The following ARHGEF15 variants were observed in gnomAD, a reference collection of about 807,000 sequenced individuals.
ARHGEF15 encodes Rho guanine nucleotide exchange factor (GEF) 15.
Under a neutral mutation model 79.7 loss-of-function variants are expected in ARHGEF15, and 58 were observed. That is an observed-to-expected ratio of 0.73 (90% CI 0.59 to 0.91). The LOEUF (loss-of-function observed/expected upper bound fraction) is 0.91. Among genes scored for constraint, ARHGEF15 ranks in the 40% least tolerant of loss-of-function variants. ARHGEF15 has a pLI of 0.00. For synonymous variants in ARHGEF15, 442 were observed against 456.0 expected (o/e 0.97, Z 0.39); for missense variants, 1,012 against 1,108.1 (o/e 0.91, Z 1.23).
At position 8,315,936 on chromosome 17, in the gene ARHGEF15, T is replaced by C. The variant is rs1904997032; in HGVS notation, c.1574+29T>C. 1 of 1,604,818 alleles carries C rather than the reference T, an allele frequency of 6.2e-7. No homozygotes were observed. The highest frequency in any genetic ancestry group is 8.5e-7 in the Non-Finnish European group (1 of 1,179,420). ...AGTGTCCCAGGGGTGGGGAGGAAGCTGGGGAGAGGGATGGGACCGAGGCCA... is the reference window on the plus strand; with the variant it reads ...AGTGTCCCAGGGGTGGGGAGGAAGCCGGGGAGAGGGATGGGACCGAGGCCA... On this transcript the variant is annotated intron_variant, in intron 8 of 15. Transcript: ENST00000361926. This position sits in a 1 kb window ranked among gnomAD's most constrained non-coding sequence, Gnocchi z 4.3.
chr17:8,314,970 G>A lies in ARHGEF15; in HGVS notation c.1048+6G>A, dbSNP rs369238598. 3 of 1,614,074 alleles carry A rather than the reference G, an allele frequency of 1.9e-6. No homozygotes were observed. The highest frequency in any genetic ancestry group is 1.1e-5 in the South Asian group (1 of 91,066). Reference sequence around the variant, plus strand: ...GGAGCTGCCCCTGCAGGATGGTGAGGGCCTCTGGACCTGAGGGTCCCTGCT... The same window carrying A: ...GGAGCTGCCCCTGCAGGATGGTGAGAGCCTCTGGACCTGAGGGTCCCTGCT... On this transcript the variant is annotated splice_donor_region_variant and intron_variant, in intron 5 of 15. Coordinates refer to ENST00000361926, the MANE Select transcript of ARHGEF15 (RefSeq NM_173728.4).
At chr17:8,319,674 C>A in intron 15 of ARHGEF15, 71 bp downstream of exon 15, 1 of 1,312,946 alleles carries the variant, frequency 7.6e-7, no homozygotes, top group Non-Finnish European at 1.0e-6. Context: ...CTCATTCTGT[C>A]AGCCAGGCTA....
Position 8,315,119 on chromosome 17 carries a change from G to T in ARHGEF15, c.1102G>T (p.Val368Leu), listed in dbSNP as rs1349178299. 5.6e-6 allele frequency: 9 copies of T among 1,614,040 alleles called. No individual in the cohort carries two copies. In the South Asian group the frequency reaches 8.8e-5, roughly 16 times the overall value. ...CGTGCTGTCAGAGGAGCTGTGGGGG[G>T]TGGGTGAGGATGGGAGTCCTTCTCC... ...AAVLSEELWGVGEDGSPSPAN... is the reference protein window; with the variant it reads ...AAVLSEELWGLGEDGSPSPAN... The change falls in exon 6 of 16, where the codon GTG (valine) becomes TTG (leucine). Residue 368 changes from valine to leucine, a missense_variant. By Grantham distance (32) the Val-to-Leu change is conservative. Around this residue, in one of 3 missense-constraint regions of ARHGEF15, gnomAD observed 818 missense variants for 882.5 expected, o/e 0.93. Coordinates refer to ENST00000361926, the MANE Select transcript of ARHGEF15 (RefSeq NM_173728.4). This position sits in a 1 kb window ranked among gnomAD's most constrained non-coding sequence, Gnocchi z 4.3.
intron 15 of ARHGEF15, among the ~76,000 whole-genome samples, chr17:8,320,357 G>C (rs1905303577): frequency 6.6e-6 from 1 of 152,118 alleles, no homozygotes; most frequent in African/African-American, 2.4e-5. Context: ...GGGAGGCCGA[G>C]GTGGACCTCA....
intron 1 of ARHGEF15, among the ~76,000 whole-genome samples, chr17:8,311,643 G>A (rs72835274): frequency 0.028 from 4,299 of 150,896 alleles, 86 homozygotes; most frequent in Middle Eastern, 0.044. Flanking sequence ...CCCTGGCACC[G>A]CTATCTCAGA....
Position 8,321,258 on chromosome 17 carries a change from C to T in ARHGEF15, c.*265C>T. On this transcript the variant is annotated 3_prime_UTR_variant, in exon 16 of 16. Coordinates refer to ENST00000361926, the MANE Select transcript of ARHGEF15 (RefSeq NM_173728.4). ...GCCAATGGGTACTGAGCTGGCTGAGCCTATGGCCAATGAGTATTCCTGCTA... is the reference window on the plus strand; with the variant it reads ...GCCAATGGGTACTGAGCTGGCTGAGTCTATGGCCAATGAGTATTCCTGCTA... 1 of 421,374 alleles carries T rather than the reference C, an allele frequency of 2.4e-6. No individual in the cohort carries two copies. The highest frequency in any genetic ancestry group is 3.9e-5 in the East Asian group (1 of 25,488). 26.1% of individuals were successfully genotyped at this position (421,374 alleles called of 1,614,324 possible).
intron 9 of ARHGEF15, among the ~76,000 whole-genome samples, chr17:8,316,707 C>T (rs964565838): frequency 6.6e-6 from 1 of 152,152 alleles, no homozygotes; most frequent in African/African-American, 2.4e-5. Context: ...GGAAAATTAT[C>T]TTAAAAAGGC....
intron 1 of ARHGEF15, among the ~76,000 whole-genome samples, chr17:8,311,644 C>CTA (rs931666625): frequency 6.6e-5 from 10 of 151,780 alleles, no homozygotes; most frequent in African/African-American, 2.4e-4. Context: ...CCTGGCACCG[C>CTA]TATCTCAGAC....
Position 8,310,288 on chromosome 17 carries a change from C to T in ARHGEF15, c.-105C>T, listed in dbSNP as rs545195383. Reference sequence around the variant, plus strand: ...GGAAACCTCAGCCCTGCATTCCTCGCTCCAAGGGGCAGACAGGACAGGCTG... The same window carrying T: ...GGAAACCTCAGCCCTGCATTCCTCGTTCCAAGGGGCAGACAGGACAGGCTG... On this transcript the variant is annotated 5_prime_UTR_variant, in exon 1 of 16. Coordinates refer to ENST00000361926, the MANE Select transcript of ARHGEF15 (RefSeq NM_173728.4). 6.6e-6 allele frequency: 1 copy of T among 152,334 alleles called. No individual in the cohort carries two copies. The highest frequency in any genetic ancestry group is 2.1e-4 in the South Asian group (1 of 4,818). 9.4% of individuals were successfully genotyped at this position (152,334 alleles called of 1,614,324 possible). A position where few individuals can be genotyped will look rare whatever the true frequency, so the allele number is the denominator to read the frequency against.
At chr17:8,313,834 A>C (rs889603724) in intron 4 of ARHGEF15, 4 of 350,212 alleles carry the variant, frequency 1.1e-5, no homozygotes, top group African/African-American at 8.4e-5. Context: ...GTTCAAGATC[A>C]GCCTGGCTAA....
chr17:8,316,270 A>C (rs930810246), intron 9 of ARHGEF15, 122 bp downstream of exon 9: 34 of 1,367,644 alleles, frequency 2.5e-5, no homozygotes, highest in Middle Eastern at 2.6e-4. Context: ...AATCCCCCAA[A>C]TCATAACTCC....
In ARHGEF15 at chr17:8,318,842, G is replaced by A. The variant is rs781290250; in HGVS notation, c.1965G>A (p.Ser655=). The A allele has an allele frequency of 6.2e-6, 10 of 1,613,286 alleles. No individual in the cohort carries two copies. The highest frequency in any genetic ancestry group is 2.2e-5 in the South Asian group (2 of 91,080). Residue 655 remains serine (S), a synonymous_variant, in exon 12 of 16, where the codon TCG becomes TCA. Transcript: ENST00000361926. This position sits in a 1 kb window ranked among gnomAD's most constrained non-coding sequence, Gnocchi z 5.0. The stretch of plus-strand genomic sequence containing the variant: ...GGAGGGGGGGCGTGCTCTTTGCCTC[G>A]CGCCCCCGCTTCACCCCTCTTTGCC... ...GCRRGGVLFA[S]RPRFTPLCLL... is the part of the protein sequence containing the mutation.
rs1567676682 is a variant in ARHGEF15 at position 8,315,473 on chromosome 17, CG to C, written c.1321del (p.Asp441ThrfsTer5). 5 of 1,613,678 alleles carry C rather than the reference CG, an allele frequency of 3.1e-6. No individual in the cohort carries two copies. The highest frequency in any genetic ancestry group is 4.2e-6 in the Non-Finnish European group (5 of 1,180,028). Reference protein sequence around the residue: ...SYLRSLRLLTDTFVLSQALRD... With the variant: ...SYLRSLRLLTXTFVLSQALRD... Reference sequence around the variant, plus strand: ...ACCTGCGCTCCCTGCGGCTGCTGACCGACACCTTCGTGCTGAGCCAGGCACT... The same window carrying C: ...ACCTGCGCTCCCTGCGGCTGCTGACCACACCTTCGTGCTGAGCCAGGCACT... On this transcript the variant is annotated frameshift_variant, in exon 7 of 16. Coordinates refer to ENST00000361926, the MANE Select transcript of ARHGEF15 (RefSeq NM_173728.4). LOFTEE classifies it high-confidence loss of function. This position sits in a 1 kb window ranked among gnomAD's most constrained non-coding sequence, Gnocchi z 4.3.
rs3744651 is a variant in ARHGEF15, at chr17:8,312,216, C to A, written c.177C>A (p.Thr59=). 6.3e-7 allele frequency: 1 copy of A among 1,576,522 alleles called. No homozygotes were observed. Among genetic ancestry groups the A allele is most frequent in the African/African-American group, 1.4e-5 (1 of 72,320 alleles). ...ATGATGCACCAACCCCAATGTGCAC[C>A]CCCATCTTCTGGGAGCCCCCAGCTG... ...NSNDAPTPMC[T]PIFWEPPAAS... is the part of the protein sequence containing the mutation. Residue 59 remains threonine (T), a synonymous_variant, in exon 2 of 16, where the codon ACC becomes ACA. Coordinates refer to ENST00000361926, the MANE Select transcript of ARHGEF15 (RefSeq NM_173728.4).
Position 8,312,014 on chromosome 17 carries a change from C to T in ARHGEF15, c.-26C>T, listed in dbSNP as rs1904650915. 2 of 1,548,380 alleles carry T rather than the reference C, an allele frequency of 1.3e-6. No homozygotes were observed. The highest frequency in any genetic ancestry group is 1.7e-6 in the Non-Finnish European group (2 of 1,150,136). On this transcript the variant is annotated 5_prime_UTR_variant, in exon 2 of 16. Transcript: ENST00000361926. ...AGGGGATGACTCCAGCAGAGCACCT[C>T]ACTCCTTTGAAGAGCACAGAGGAAG...
At position 8,315,153 on chromosome 17, in the gene ARHGEF15, C is replaced by A; in HGVS notation, c.1136C>A (p.Ala379Asp). Residue 379 changes from alanine (A) to aspartate (D), a missense_variant, in exon 6 of 16, where the codon GCT becomes GAT. By Grantham distance (126) the Ala-to-Asp change is moderately radical. Transcript: ENST00000361926. This position sits in a 1 kb window ranked among gnomAD's most constrained non-coding sequence, Gnocchi z 4.3. ...GEDGSPSPAN[A>D]GDAPTFPRPP... ...GATGGGAGTCCTTCTCCAGCAAATG[C>A]TGGAGATGCACCCACCTTCCCACGA... 1.2e-6 allele frequency: 2 copies of A among 1,614,040 alleles called. No homozygotes were observed. The highest frequency in any genetic ancestry group is 2.2e-5 in the South Asian group (2 of 91,078).
rs768707221 is a variant in ARHGEF15, at chr17:8,318,403, C to A, written c.1721C>A (p.Thr574Lys). Residue 574 changes from threonine to lysine, a missense_variant, in exon 10 of 16, where the codon ACA becomes AAA. Coordinates refer to ENST00000361926, the MANE Select transcript of ARHGEF15 (RefSeq NM_173728.4). This position sits in a 1 kb window ranked among gnomAD's most constrained non-coding sequence, Gnocchi z 5.0. ...RMLLQNILRQ[T>K]EEGSSRQENA... ...TGTCCCCAGAATATCCTGCGCCAGACAGAAGAGGGGTCCAGCCGTCAGGAG... is the reference window on the plus strand; with the variant it reads ...TGTCCCCAGAATATCCTGCGCCAGAAAGAAGAGGGGTCCAGCCGTCAGGAG... The A allele has an allele frequency of 6.2e-7, 1 of 1,614,008 alleles. No individual in the cohort carries two copies. The highest frequency in any genetic ancestry group is 8.5e-7 in the Non-Finnish European group (1 of 1,180,008).
chr17:8,319,856 G>A (rs905583587), intron 15 of ARHGEF15, among the ~76,000 whole-genome samples: 1 of 151,854 alleles, frequency 6.6e-6, no homozygotes. Flanking sequence ...GGCTGGTCTC[G>A]AACTAACCTC....
Position 8,312,197 on chromosome 17 carries a change from C to A in ARHGEF15, c.158C>A (p.Ala53Glu). The change falls in exon 2 of 16, where the codon GCA (alanine) becomes GAA (glutamate). Residue 53 changes from alanine to glutamate, a missense_variant. By Grantham distance (107) the Ala-to-Glu change is moderately radical. Around this residue, in one of 3 missense-constraint regions of ARHGEF15, gnomAD observed 818 missense variants for 882.5 expected, o/e 0.93. Transcript: ENST00000361926. ...GAACTACCCCGAAACTCCAATGATGCACCAACCCCAATGTGCACCCCCATC... is the reference window on the plus strand; with the variant it reads ...GAACTACCCCGAAACTCCAATGATGAACCAACCCCAATGTGCACCCCCATC... The part of the protein sequence containing the change: ...PQELPRNSND[A>E]PTPMCTPIFW... 6.2e-7 allele frequency: 1 copy of A among 1,605,838 alleles called. No homozygotes were observed. Among genetic ancestry groups the A allele is most frequent in the Non-Finnish European group, 8.5e-7 (1 of 1,175,662 alleles).
Sources: allele counts gnomAD v4.1 joint callset (sites outside exome capture counted in the v4.1 genomes callset), GRCh38; gene constraint gnomAD v4.1.1; regional missense constraint gnomAD v4.1.1; non-coding constraint Gnocchi (gnomAD v3.1); transcripts MANE v1.5; gene names NCBI Gene and HGNC (gene_info 2026-07-23, HGNC 2026-07-21).